GAB2: variants seen among roughly 807,000 people sequenced by gnomAD.
GAB2 encodes the protein GRB2-associated-binding protein 2.
A neutral mutation model predicts 65.5 loss-of-function variants in GAB2; 26 were observed. The ratio of observed to expected loss-of-function variants is 0.40; its 90% CI spans 0.29 to 0.55. The LOEUF is 0.55. GAB2 is among the 20% of genes least tolerant of loss of function. GAB2 has a pLI of 0.53. For synonymous variants in GAB2, 321 were observed against 329.6 expected (o/e 0.97, Z 0.28); for missense variants, 884 against 875.8 (o/e 1.01, Z -0.12).
chr11:78,224,917 T>A (rs757403312), intron 5 of GAB2, among the ~76,000 whole-genome samples, 191 bp downstream of exon 5: 2 of 152,120 alleles, frequency 1.3e-5, no homozygotes, highest in Non-Finnish European at 2.9e-5. Flanking sequence ...ATACATTTCT[T>A]CCAGACTAGA....
At chr11:78,301,352 C>A (rs1867014063) in intron 1 of GAB2, among the ~76,000 whole-genome samples, 1 of 134,352 alleles carries the variant, frequency 7.4e-6, no homozygotes, top group Non-Finnish European at 1.5e-5. Context: ...TTTTTTGAGA[C>A]AGAGTCTTGC....
chr11:78,229,970 C>A (rs373712208), intron 3 of GAB2, among the ~76,000 whole-genome samples: 3 of 152,200 alleles, frequency 2.0e-5, no homozygotes, highest in Non-Finnish European at 2.9e-5. Flanking sequence ...ACTTGCTTAA[C>A]TTTGTTCTTG....
intron 3 of GAB2, among the ~76,000 whole-genome samples, chr11:78,231,336 GGTGTGTGTGTGTGTGTGT>G (rs58651538): frequency 1.4e-5 from 2 of 145,796 alleles, no homozygotes; most frequent in African/African-American, 2.6e-5. Context: ...GCGCGTGTGT[GGTGTGTGTGTGTGTGTGT>G]GTGTGTGTGT....
chr11:78,301,257 T>C (rs1194261261), intron 1 of GAB2, among the ~76,000 whole-genome samples: 1 of 152,202 alleles, frequency 6.6e-6, no homozygotes, highest in Admixed American at 6.5e-5. Context: ...CTTTTCTTTT[T>C]TGGAATTTAA....
intron 2 of GAB2, among the ~76,000 whole-genome samples, chr11:78,270,311 G>A (rs1184842670): frequency 6.6e-6 from 1 of 150,902 alleles, no homozygotes; most frequent in Non-Finnish European, 1.5e-5. Flanking sequence ...TCCAGCCTGG[G>A]CAACAGAGCG....
chr11:78,312,940 G>A (rs190192340), intron 1 of GAB2, among the ~76,000 whole-genome samples: 12 of 152,044 alleles, frequency 7.9e-5, no homozygotes, highest in Admixed American at 5.9e-4. Flanking sequence ...TGGCAGAAAC[G>A]GGAACTAAAA....
chr11:78,370,712 C>T lies in GAB2; in HGVS notation c.75+46934G>A, dbSNP rs868426071. On this transcript the variant is annotated intron_variant, in intron 1 of 9. Transcript: ENST00000361507. Reference sequence around the variant, plus strand: ...ACTACTAATATTGTATGTGTGTGTGCGTGTGTGTGTGTATGTGTGTGTGTG... The same window carrying T: ...ACTACTAATATTGTATGTGTGTGTGTGTGTGTGTGTGTATGTGTGTGTGTG... Among the ~76,000 whole-genome samples the T allele has an allele frequency of 8.1e-5, 10 of 123,210 alleles. No homozygotes were observed. In the South Asian group the frequency reaches 9.1e-4, roughly 11 times the overall value. 80.8% of individuals were successfully genotyped at this position (123,210 alleles called of 152,430 possible).
At chr11:78,267,401 T>G (rs1865899013) in intron 2 of GAB2, among the ~76,000 whole-genome samples, 1 of 152,234 alleles carries the variant, frequency 6.6e-6, no homozygotes, top group African/African-American at 2.4e-5. Flanking sequence ...CTCTTCCATT[T>G]CATGGACAGG....
chr11:78,333,468 A>G (rs1024274189), intron 1 of GAB2, among the ~76,000 whole-genome samples: 2 of 152,018 alleles, frequency 1.3e-5, no homozygotes, highest in Non-Finnish European at 2.9e-5. Context: ...GGGTCTCACT[A>G]TGTTACCCAG....
At chr11:78,404,020 G>C (rs1021094337) in intron 1 of GAB2, among the ~76,000 whole-genome samples, 1 of 152,106 alleles carries the variant, frequency 6.6e-6, no homozygotes, top group African/African-American at 2.4e-5. Flanking sequence ...ATGTAAATTA[G>C]TACAGCCCCC....
intron 1 of GAB2, among the ~76,000 whole-genome samples, chr11:78,288,031 T>C (rs1035754326): frequency 1.4e-5 from 2 of 141,010 alleles, no homozygotes; most frequent in Admixed American, 1.4e-4. Flanking sequence ...GGTATACTGA[T>C]TGGAAAGGAA....
In GAB2 at chr11:78,282,799, T is replaced by C. The variant is rs77773359; in HGVS notation, c.76-1898A>G. Among the ~76,000 whole-genome samples the C allele has an allele frequency of 1.3e-3, 145 of 107,720 alleles. 6 individuals are homozygous for C. The East Asian group carries it at 0.037, about 27-fold the overall frequency. 70.7% of individuals were successfully genotyped at this position (107,720 alleles called of 152,430 possible). On this transcript the variant is annotated intron_variant, in intron 1 of 9. Coordinates refer to ENST00000361507, the MANE Select transcript of GAB2 (RefSeq NM_080491.3). ...GATTATCACAATTCTTTAGACCCCATGGGATCTACACTCCATTAATTCTAC... is the reference window on the plus strand; with the variant it reads ...GATTATCACAATTCTTTAGACCCCACGGGATCTACACTCCATTAATTCTAC...
chr11:78,388,272 A>T (rs575658228), intron 1 of GAB2: 1 of 152,238 alleles, frequency 6.6e-6, no homozygotes, highest in East Asian at 1.9e-4. Flanking sequence ...CAAGAGATCC[A>T]GCTGCCTCAG....
chr11:78,381,180 T>C (rs188623951), intron 1 of GAB2, among the ~76,000 whole-genome samples: 26 of 152,348 alleles, frequency 1.7e-4, no homozygotes, highest in African/African-American at 5.5e-4. Context: ...GCCTTTAAGT[T>C]GTTTCTTCCA....
chr11:78,415,261 A>G (rs1436141479), intron 1 of GAB2, among the ~76,000 whole-genome samples: 7 of 152,234 alleles, frequency 4.6e-5, no homozygotes, highest in African/African-American at 1.4e-4. Flanking sequence ...TGCTCGATGT[A>G]TTCTTATAAT....
At chr11:78,359,649 C>T (rs1369593730) in intron 1 of GAB2, among the ~76,000 whole-genome samples, 2 of 152,096 alleles carry the variant, frequency 1.3e-5, no homozygotes, top group Non-Finnish European at 2.9e-5. Flanking sequence ...TTGATAAATA[C>T]ATGGGAAATC....
At chr11:78,248,926 C>G (rs1826100203) in intron 3 of GAB2, among the ~76,000 whole-genome samples, 1 of 152,224 alleles carries the variant, frequency 6.6e-6, no homozygotes, top group African/African-American at 2.4e-5. Context: ...CCTTGGCTAA[C>G]TCACTCTATC....
At chr11:78,262,886 T>C (rs1457095263) in intron 2 of GAB2, among the ~76,000 whole-genome samples, 1 of 152,226 alleles carries the variant, frequency 6.6e-6, no homozygotes. Flanking sequence ...AGCCCATACA[T>C]TACATCTGGT....
chr11:78,329,667 T>G (rs1162306251), intron 1 of GAB2, among the ~76,000 whole-genome samples: 1 of 152,200 alleles, frequency 6.6e-6, no homozygotes, highest in African/African-American at 2.4e-5. Context: ...AATGTGAAGA[T>G]TTCCCACAGA....
Sources: gnomAD v4.1 joint callset for allele counts (sites outside exome capture counted in the v4.1 genomes callset) on GRCh38, gnomAD v4.1.1 for gene constraint, MANE v1.5 for transcripts, NCBI Gene and HGNC (gene_info 2026-07-23, HGNC 2026-07-21) for gene names.